Variants in PHEX observed in about 807,000 individuals in gnomAD.
The protein encoded by PHEX is phosphate-regulating neutral endopeptidase PHEX.
Under a neutral mutation model 68.0 loss-of-function variants are expected in PHEX, and 16 were observed. The observed-to-expected ratio is 0.24, with a 90% CI of 0.16 to 0.36. The LOEUF is 0.36. Among genes scored for constraint, PHEX ranks in the 10% least tolerant of loss-of-function variants. The pLI is 1.00. For synonymous variants in PHEX, 208 were observed against 205.1 expected, an observed-to-expected ratio of 1.01 and a Z score of -0.12; for missense variants, 480 against 575.5, an observed-to-expected ratio of 0.83 and a Z score of 1.70.
At chrX:22,036,802 A>C (rs1927041094) in intron 1 of PHEX, among the ~76,000 whole-genome samples, 1 of 109,134 alleles carries the variant, frequency 9.2e-6, no homozygotes, top group African/African-American at 3.4e-5. Context: ...TTTCTTAAAA[A>C]CAGGACTGAG....
chrX:22,198,107 T>A (rs200803674), intron 15 of PHEX, among the ~76,000 whole-genome samples: 1 of 67,830 alleles, frequency 1.5e-5, no homozygotes, highest in African/African-American at 1.5e-4. Context: ...TATAGTTATA[T>A]ATTATAAATT....
At chrX:22,245,101 A>T (rs756870959) in intron 20 of PHEX, among the ~76,000 whole-genome samples, 1 of 112,286 alleles carries the variant, frequency 8.9e-6, no homozygotes, top group East Asian at 2.8e-4. Flanking sequence ...ACTTGTCTGG[A>T]AACCTTTCTC....
intron 9 of PHEX, among the ~76,000 whole-genome samples, chrX:22,108,810 C>T (rs757087376): frequency 2.7e-5 from 3 of 110,011 alleles, no homozygotes; most frequent in East Asian, 5.7e-4. Context: ...GTCGTGGTGG[C>T]GGGCATGTGT....
intron 5 of PHEX, among the ~76,000 whole-genome samples, chrX:22,090,049 C>G (rs754541656): frequency 1.4e-4 from 16 of 112,214 alleles, no homozygotes. Flanking sequence ...AGTCTGAGCT[C>G]TGCCCAATCA....
chrX:22,233,357 T>C (rs1281995592), intron 20 of PHEX, among the ~76,000 whole-genome samples: 1 of 111,555 alleles, frequency 9.0e-6, no homozygotes, highest in East Asian at 2.8e-4. Flanking sequence ...TGTGGGCCTG[T>C]CTTGCTAGGG....
At chrX:22,227,370 A>G (rs1348371585) in intron 19 of PHEX, 137 bp from the exon 20 acceptor site, 4 of 515,887 alleles carry the variant, frequency 7.8e-6, no homozygotes, top group Non-Finnish European at 1.4e-5. Context: ...CAGGACATGG[A>G]CTTGTGTTTC....
chrX:22,190,451 A>G lies in PHEX; in HGVS notation c.1594A>G (p.Thr532Ala). 8.4e-7 allele frequency: 1 copy of G among 1,195,285 alleles called. No individual in the cohort carries two copies. The highest frequency in any genetic ancestry group is 1.1e-6 in the Non-Finnish European group (1 of 880,411). ...TTGTTTCTTTTTCTACAGGTGGTTTACAAATCCGACGACTGTCAATGCCTT... is the reference window on the plus strand; with the variant it reads ...TTGTTTCTTTTTCTACAGGTGGTTTGCAAATCCGACGACTGTCAATGCCTT... ...RKAVPKTEWF[T>A]NPTTVNAFYS... The change falls in exon 15 of 22, where the codon ACA becomes GCA. Residue 532 changes from threonine (T) to alanine (A), a missense_variant. Coordinates refer to ENST00000379374, the MANE Select transcript of PHEX (RefSeq NM_000444.6).
chrX:22,161,408 A>G (rs1933124065), intron 12 of PHEX, among the ~76,000 whole-genome samples: 1 of 112,396 alleles, frequency 8.9e-6, no homozygotes, highest in African/African-American at 3.2e-5. Context: ...CCTGGATGAC[A>G]CCGTGAGACT....
intron 16 of PHEX, among the ~76,000 whole-genome samples, chrX:22,215,732 C>G (rs200720796): frequency 1.8e-5 from 2 of 110,939 alleles, no homozygotes; most frequent in African/African-American, 6.6e-5. Context: ...TGACCCCAGC[C>G]CCCCACCACC....
intron 19 of PHEX, 37 bp from the exon 20 acceptor site, chrX:22,227,470 C>T (rs758389919): frequency 9.2e-6 from 9 of 978,956 alleles, no homozygotes; most frequent in East Asian, 6.1e-5. Flanking sequence ...AAAAACCCAC[C>T]GTTGCAGAGA....
intron 3 of PHEX, among the ~76,000 whole-genome samples, chrX:22,047,592 A>G (rs1415193147): frequency 8.9e-6 from 1 of 112,129 alleles, no homozygotes; most frequent in Non-Finnish European, 1.9e-5. Flanking sequence ...TACAAAATGT[A>G]CTTAACACCT....
At chrX:22,123,246 C>T (rs1311178427) in intron 11 of PHEX, among the ~76,000 whole-genome samples, 2 of 110,190 alleles carry the variant, frequency 1.8e-5, no homozygotes, top group Non-Finnish European at 3.8e-5. Context: ...GCCTTGGCTT[C>T]CCAAAGTGTT....
intron 14 of PHEX, 136 bp downstream of exon 14, chrX:22,178,512 C>A: frequency 2.7e-6 from 1 of 374,784 alleles, no homozygotes; most frequent in East Asian, 5.0e-5. Context: ...AAATCTGTGT[C>A]ATGTTTTGCC....
chrX:22,038,622 TTC>T, intron 2 of PHEX, 85 bp downstream of exon 2: 2 of 645,796 alleles, frequency 3.1e-6, no homozygotes, highest in East Asian at 3.2e-5. Flanking sequence ...ATTTTTAGTA[TTC>T]TGTTTGCTTG....
chrX:22,224,986 T>C, intron 18 of PHEX, among the ~76,000 whole-genome samples: 1 of 43,518 alleles, frequency 2.3e-5, no homozygotes, highest in Non-Finnish European at 4.6e-5. Flanking sequence ...ATCATACAGC[T>C]CTGTATGTCA....
intron 17 of PHEX, among the ~76,000 whole-genome samples, chrX:22,219,791 G>C (rs1935212232): frequency 9.0e-6 from 1 of 110,722 alleles, no homozygotes; most frequent in Non-Finnish European, 1.9e-5. Flanking sequence ...GCTAATTTTT[G>C]TATTTTTAAT....
chrX:22,061,212 T>TTG (rs1569374796), intron 3 of PHEX, among the ~76,000 whole-genome samples: 4 of 112,184 alleles, frequency 3.6e-5, no homozygotes, highest in Middle Eastern at 4.6e-3. Context: ...ACCTTTACCA[T>TTG]ACTCTGAATT....
intron 3 of PHEX, among the ~76,000 whole-genome samples, chrX:22,056,981 A>G (rs1288515630): frequency 9.1e-6 from 1 of 110,121 alleles, no homozygotes; most frequent in Non-Finnish European, 1.9e-5. Flanking sequence ...AGTGTAAAAT[A>G]TACACCAAAT....
intron 20 of PHEX, among the ~76,000 whole-genome samples, chrX:22,228,110 G>A (rs991778279): frequency 8.9e-6 from 1 of 112,016 alleles, no homozygotes; most frequent in Non-Finnish European, 1.9e-5. Flanking sequence ...GGAGAGTCAT[G>A]TCACTCTTTT....
Sources: gnomAD v4.1 joint callset for allele counts (sites outside exome capture counted in the v4.1 genomes callset) on GRCh38, gnomAD v4.1.1 for gene constraint, MANE v1.5 for transcripts, NCBI Gene and HGNC (gene_info 2026-07-23, HGNC 2026-07-21) for gene names.